NPLOC4: variants seen among roughly 807,000 people sequenced by gnomAD.
The protein encoded by NPLOC4 is nuclear protein localization protein 4 homolog.
NPLOC4 carries 18 observed loss-of-function variants against 80.6 expected under a neutral mutation model. The observed-to-expected ratio is 0.22, with a 90% CI of 0.15 to 0.33. NPLOC4 has a LOEUF of 0.33. Ranked by LOEUF, NPLOC4 falls within the 10% of genes least tolerant of loss-of-function variation. NPLOC4 has a pLI of 1.00. For synonymous variants in NPLOC4, 313 were observed against 301.5 expected, an observed-to-expected ratio of 1.04 and a Z score of -0.39; for missense variants, 540 against 786.1, an observed-to-expected ratio of 0.69 and a Z score of 3.74.
chr17:81,633,346 A>G (rs1213918453), intron 1 of NPLOC4, among the ~76,000 whole-genome samples: 1 of 152,208 alleles, frequency 6.6e-6, no homozygotes, highest in Non-Finnish European at 1.5e-5. Context: ...TGTTCCTTCA[A>G]ACGATGACTC....
chr17:81,635,926 T>TC, intron 1 of NPLOC4, among the ~76,000 whole-genome samples: 1 of 151,408 alleles, frequency 6.6e-6, no homozygotes, highest in Admixed American at 6.6e-5. Flanking sequence ...GGGACTGGTT[T>TC]TCTGATTTGT....
rs1285617009 is a variant in NPLOC4, at chr17:81,605,764, T to C, written c.654+927A>G. ...ATCAATAAATTCAAAATAATTCCAT[T>C]GTGATTTAACCTAAAATACAGGTTT... On this transcript the variant is annotated intron_variant, in intron 7 of 16. Transcript: ENST00000331134. 3.9e-5 allele frequency among the ~76,000 whole-genome samples: 6 copies of C among 152,066 alleles called. No individual in the cohort carries two copies. In the East Asian group the frequency reaches 1.2e-3, roughly 29 times the overall value.
chr17:81,635,264 G>A (rs972912321), intron 1 of NPLOC4, among the ~76,000 whole-genome samples: 3 of 151,006 alleles, frequency 2.0e-5, no homozygotes, highest in Non-Finnish European at 2.9e-5. Flanking sequence ...TCTTGAACCC[G>A]AGAGGCGGAG....
At position 81,610,197 on chromosome 17, in the gene NPLOC4, CAG is replaced by C; in HGVS notation, c.435+11_435+12del. 1.3e-6 allele frequency: 2 copies of C among 1,567,932 alleles called. No homozygotes were observed. The highest frequency in any genetic ancestry group is 1.4e-5 in the African/African-American group (1 of 73,820). On this transcript the variant is annotated intron_variant, in intron 5 of 16. Transcript: ENST00000331134. ...CCACACTGGCCCAGAACTTACTCCG[CAG>C]AGACTCTCACCTCTAGAGGGACGCA...
Position 81,580,657 on chromosome 17 carries a change from C to T in NPLOC4, c.1281+8287G>A, listed in dbSNP as rs769103583. Reference sequence around the variant, plus strand: ...CTCTCCCCTCTCAGGACTCGACCCACCAGGGCACTCCAAGCTTCTCTACCC... The same window carrying T: ...CTCTCCCCTCTCAGGACTCGACCCATCAGGGCACTCCAAGCTTCTCTACCC... On this transcript the variant is annotated intron_variant, in intron 12 of 16. Coordinates refer to ENST00000331134, the MANE Select transcript of NPLOC4 (RefSeq NM_017921.4). This position sits in a 1 kb window ranked among gnomAD's most constrained non-coding sequence, Gnocchi z 4.4. Among the ~76,000 whole-genome samples, 28 of 152,194 alleles carry T rather than the reference C, an allele frequency of 1.8e-4. No individual in the cohort carries two copies. Among genetic ancestry groups the T allele is most frequent in the Non-Finnish European group, 3.1e-4 (21 of 68,032 alleles).
chr17:81,631,602 C>T (rs2035932896), intron 1 of NPLOC4, among the ~76,000 whole-genome samples: 1 of 151,656 alleles, frequency 6.6e-6, no homozygotes, highest in South Asian at 2.1e-4. Flanking sequence ...CAGCACAGGC[C>T]CCTGCTTTAG....
At chr17:81,606,968 T>C (rs1438450242) in intron 6 of NPLOC4, among the ~76,000 whole-genome samples, 154 bp from the exon 7 acceptor site, 1 of 152,236 alleles carries the variant, frequency 6.6e-6, no homozygotes, top group Non-Finnish European at 1.5e-5. Context: ...ATGATTCTAA[T>C]GGAAGCTCTA....
At chr17:81,559,879 T>G (rs1409262799) in intron 16 of NPLOC4, among the ~76,000 whole-genome samples, 2 of 151,778 alleles carry the variant, frequency 1.3e-5, no homozygotes, top group African/African-American at 2.4e-5. Flanking sequence ...ATTACAGGCA[T>G]GAACCACAAT....
In NPLOC4 at chr17:81,611,302, G is replaced by A. The variant is rs376990575; in HGVS notation, c.387-1044C>T. Among the ~76,000 whole-genome samples the A allele has an allele frequency of 4.6e-5, 7 of 151,814 alleles. No individual in the cohort carries two copies. In the East Asian group the frequency reaches 7.8e-4, roughly 17 times the overall value. On this transcript the variant is annotated intron_variant, in intron 4 of 16. Transcript: ENST00000331134. ...GCCACTGCACTCCAGCCTGGGAGAC[G>A]AGAGTGAAATTCCACTCAAATAAAT... is the stretch of plus-strand genomic sequence containing the variant.
intron 12 of NPLOC4, among the ~76,000 whole-genome samples, chr17:81,581,527 G>C (rs1264109845): frequency 2.0e-5 from 3 of 152,150 alleles, no homozygotes; most frequent in African/African-American, 7.2e-5. Context: ...CCAGACCCTT[G>C]GCATAGGTGC....
At chr17:81,622,094 T>G in intron 3 of NPLOC4, 72 bp downstream of exon 3, 1 of 1,087,948 alleles carries the variant, frequency 9.2e-7, no homozygotes, top group Non-Finnish European at 1.4e-6. Flanking sequence ...AGGATAAAAC[T>G]CGGCAACCTC....
chr17:81,560,155 C>T (rs1056716988), intron 16 of NPLOC4, among the ~76,000 whole-genome samples: 4 of 151,762 alleles, frequency 2.6e-5, no homozygotes, highest in African/African-American at 4.8e-5. Context: ...CAGTGGGTCA[C>T]GCCTGTAATC....
intron 7 of NPLOC4, 82 bp from the exon 8 acceptor site, chr17:81,604,809 AAT>A (rs1283025723): frequency 7.9e-7 from 1 of 1,271,276 alleles, no homozygotes; most frequent in African/African-American, 1.5e-5. Flanking sequence ...ACCATTCATA[AAT>A]ATCTTTTACC....
Position 81,567,446 on chromosome 17 carries a change from G to C in NPLOC4, c.1537C>G (p.Leu513Val). Reference sequence around the variant, plus strand: ...AGAGGCATAACTTCATTGGTGACCAGGAACAGCAAGAGGTGGAAATCTGAG... The same window carrying C: ...AGAGGCATAACTTCATTGGTGACCACGAACAGCAAGAGGTGGAAATCTGAG... ...TISDFHLLLFLVTNEVMPLQD... is the reference protein window; with the variant it reads ...TISDFHLLLFVVTNEVMPLQD... Residue 513 changes from leucine (L) to valine (V), a missense_variant, in exon 15 of 17, where the codon CTG becomes GTG. Leu to Val is a conservative substitution (Grantham distance 32). Transcript: ENST00000331134. The surrounding 1 kb of genome is among the most constrained non-coding windows in gnomAD (Gnocchi z 4.5). The C allele has an allele frequency of 6.2e-7, 1 of 1,613,104 alleles. No individual in the cohort carries two copies. Among genetic ancestry groups the C allele is most frequent in the Non-Finnish European group, 8.5e-7 (1 of 1,179,278 alleles).
At chr17:81,582,912 C>G (rs555914144) in intron 12 of NPLOC4, among the ~76,000 whole-genome samples, 1 of 152,370 alleles carries the variant, frequency 6.6e-6, no homozygotes, top group South Asian at 2.1e-4. Flanking sequence ...CCACAGCCAG[C>G]CTCCCGATTC....
At chr17:81,622,830 C>T (rs1019890915) in intron 2 of NPLOC4, among the ~76,000 whole-genome samples, 4 of 151,998 alleles carry the variant, frequency 2.6e-5, no homozygotes, top group African/African-American at 7.2e-5. Context: ...GGATTACAGG[C>T]GTGAGCCACC....
intron 1 of NPLOC4, 31 bp downstream of exon 1, chr17:81,636,885 G>A: frequency 1.4e-6 from 2 of 1,406,274 alleles, no homozygotes; most frequent in South Asian, 1.5e-5. Flanking sequence ...TCATCCCGGC[G>A]TCCCCGCTCC....
chr17:81,561,209 G>A (rs545718566), intron 16 of NPLOC4, among the ~76,000 whole-genome samples: 13 of 152,008 alleles, frequency 8.6e-5, no homozygotes, highest in Admixed American at 2.6e-4. Context: ...CCACCGCCTC[G>A]GCCTCCCAAA....
At chr17:81,569,403 G>C (rs560552778) in intron 13 of NPLOC4, among the ~76,000 whole-genome samples, 1 of 152,346 alleles carries the variant, frequency 6.6e-6, no homozygotes, top group South Asian at 2.1e-4. Flanking sequence ...TCGTGGCACA[G>C]CTTCCCTTCA....
Sources: gnomAD v4.1 joint callset for allele counts (sites outside exome capture counted in the v4.1 genomes callset) on GRCh38, gnomAD v4.1.1 for gene constraint, Gnocchi (gnomAD v3.1) non-coding constraint, MANE v1.5 for transcripts, NCBI Gene and HGNC (gene_info 2026-07-23, HGNC 2026-07-21) for gene names.